Variants in BECN1 observed in about 807,000 individuals in gnomAD.
BECN1 encodes beclin 1.
In BECN1, 15 loss-of-function variants were observed where a neutral mutation model predicts 60.1. The observed-to-expected ratio is 0.25, with a 90% CI of 0.17 to 0.38. The LOEUF (loss-of-function observed/expected upper bound fraction) is 0.38, where lower values mean the gene tolerates loss of function less well. BECN1 is among the 10% of genes least tolerant of loss of function. The pLI, the probability that BECN1 is intolerant of heterozygous loss-of-function variation, is 1.00. For missense variants in BECN1, 424 were observed against 548.2 expected, an observed-to-expected ratio of 0.77 and a Z score of 2.26; for synonymous variants, 179 against 201.8, an observed-to-expected ratio of 0.89 and a Z score of 0.96.
chr17:42,810,981 G>T, intron 11 of BECN1, 53 bp from the exon 12 acceptor site: 1 of 1,486,272 alleles, frequency 6.7e-7, no homozygotes. Context: ...AGTTAAGTAA[G>T]TTCGGGGCAG....
At chr17:42,819,456 C>A in intron 4 of BECN1, 92 bp downstream of exon 4, 1 of 1,404,602 alleles carries the variant, frequency 7.1e-7, no homozygotes, top group Non-Finnish European at 9.8e-7. Flanking sequence ...GATGATGCAT[C>A]TCTATCACCT....
chr17:42,818,189 G>C, intron 7 of BECN1, 32 bp downstream of exon 7: 1 of 1,605,202 alleles, frequency 6.2e-7, no homozygotes, highest in Non-Finnish European at 8.5e-7. Context: ...GGAGCCTCGA[G>C]TGTGAGAAGA....
At chr17:42,823,609 C>T in intron 2 of BECN1, 139 bp downstream of exon 2, 1 of 1,245,132 alleles carries the variant, frequency 8.0e-7, no homozygotes. Flanking sequence ...AAGGAGAAAA[C>T]AGGGAGCCAG....
chr17:42,823,900 C>A (rs1175237932), intron 1 of BECN1, 21 bp from the exon 2 acceptor site: 1 of 1,611,072 alleles, frequency 6.2e-7, no homozygotes, highest in African/African-American at 1.3e-5. Context: ...GGAAAAGAGG[C>A]AACATTAGGG....
At chr17:42,813,094 T>C (rs555820630) in intron 10 of BECN1, among the ~76,000 whole-genome samples, 1 of 150,622 alleles carries the variant, frequency 6.6e-6, no homozygotes, top group South Asian at 2.1e-4. Flanking sequence ...TCCACCCGCC[T>C]TGGCCTCCCA....
At chr17:42,820,984 CTG>C (rs953498956) in intron 2 of BECN1, 143 bp from the exon 3 acceptor site, 2 of 686,516 alleles carry the variant, frequency 2.9e-6, no homozygotes, top group Non-Finnish European at 5.1e-6. Context: ...CCAAAAGAAT[CTG>C]TGGTCTTCCT....
intron 3 of BECN1, 108 bp downstream of exon 3, chr17:42,820,666 C>A: frequency 8.9e-7 from 1 of 1,129,702 alleles, no homozygotes. Context: ...GCTCTAGAAG[C>A]GCCAAGTAGC....
chr17:42,814,584 C>G lies in BECN1; in HGVS notation c.920G>C (p.Trp307Ser). The G allele has an allele frequency of 6.2e-7, 1 of 1,614,204 alleles. No individual in the cohort carries two copies. The highest frequency in any genetic ancestry group is 8.5e-7 in the Non-Finnish European group (1 of 1,180,044). The change falls in exon 9 of 12, where the codon TGG becomes TCG. Residue 307 changes from tryptophan to serine, a missense_variant. Physicochemically the swap from Trp to Ser is radical, Grantham distance 177. Transcript: ENST00000590099. ...ATGGAGCAGCAACACAGTCTGGCCC[C>G]AAGCAGCATTAATCTCATTCCATTC... ...PVEWNEINAA[W>S]GQTVLLLHAL...
intron 4 of BECN1, 127 bp from the exon 5 acceptor site, chr17:42,819,004 G>T: frequency 1.0e-6 from 1 of 1,004,122 alleles, no homozygotes. Flanking sequence ...CCCACTCCTA[G>T]CCCGACTGAC....
chr17:42,818,959 T>C (rs2055205101), intron 4 of BECN1, 82 bp from the exon 5 acceptor site: 2 of 1,495,436 alleles, frequency 1.3e-6, no homozygotes, highest in East Asian at 2.3e-5. Flanking sequence ...TGGCAGAGAC[T>C]CTCAAGCACC....
chr17:42,814,139 A>C, intron 9 of BECN1, 131 bp from the exon 10 acceptor site: 1 of 575,400 alleles, frequency 1.7e-6, no homozygotes, highest in Non-Finnish European at 3.0e-6. Context: ...TCCCTCTCCC[A>C]CCTCCCCATT....
intron 3 of BECN1, chr17:42,820,320 T>G (rs2055236679): frequency 6.4e-6 from 1 of 156,984 alleles, no homozygotes; most frequent in Non-Finnish European, 1.4e-5. Context: ...TAAAATGACA[T>G]GTTCTCTAAC....
Position 42,818,382 on chromosome 17 carries a change from C to T in BECN1, c.522G>A (p.Glu174=). The T allele has an allele frequency of 1.2e-6, 2 of 1,614,196 alleles. No homozygotes were observed. Among genetic ancestry groups the T allele is most frequent in the Non-Finnish European group, 1.7e-6 (2 of 1,180,034 alleles). ...CCATCTGTAACTGTTCACTGTCATC[C>T]TCATTCATTTGCTCTAAGATCTCCA... is the stretch of plus-strand genomic sequence containing the variant. ...RCLEILEQMN[E]DDSEQLQMEL... is the part of the protein sequence containing the mutation. Residue 174 remains glutamate (E), a synonymous_variant, in exon 7 of 12, where the codon GAG becomes GAA. Transcript: ENST00000590099.
At chr17:42,821,031 T>C (rs1338398390) in intron 2 of BECN1, among the ~76,000 whole-genome samples, 190 bp from the exon 3 acceptor site, 2 of 152,180 alleles carry the variant, frequency 1.3e-5, no homozygotes, top group East Asian at 1.9e-4. Flanking sequence ...AAATGTTCAA[T>C]TTTTTAAGGC....
At chr17:42,815,701 C>G in intron 8 of BECN1, 1 of 639,506 alleles carries the variant, frequency 1.6e-6, no homozygotes, top group South Asian at 2.0e-5. Context: ...GGGCTCAGGC[C>G]TTTTCCTTTC....
At chr17:42,819,398 C>A (rs2055213834) in intron 4 of BECN1, 150 bp downstream of exon 4, 2 of 744,502 alleles carry the variant, frequency 2.7e-6, no homozygotes, top group Admixed American at 6.3e-5. Flanking sequence ...AGGTGACGGG[C>A]CAGGTATAAG....
Position 42,810,557 on chromosome 17 carries a change from G to A in BECN1, c.*203C>T. 2 of 449,878 alleles carry A rather than the reference G, an allele frequency of 4.4e-6. No individual in the cohort carries two copies. Among genetic ancestry groups the A allele is most frequent in the East Asian group, 3.8e-5 (1 of 26,524 alleles). The allele number at this position is 449,878 out of a possible 1,614,324, so 27.9% of individuals were successfully genotyped here. On this transcript the variant is annotated 3_prime_UTR_variant, in exon 12 of 12. Coordinates refer to ENST00000590099, the MANE Select transcript of BECN1 (RefSeq NM_001313998.2). ...GGGTTAAGAATCAAAACTGACCAGG[G>A]CTGGCAACTATAGATGGCATGTTGT...
At position 42,818,692 on chromosome 17, in the gene BECN1, G is replaced by A. The variant is rs1037138160; in HGVS notation, c.352-12C>T. 2 of 1,614,096 alleles carry A rather than the reference G, an allele frequency of 1.2e-6. No homozygotes were observed. The highest frequency in any genetic ancestry group is 1.3e-5 in the African/African-American group (1 of 75,022). On this transcript the variant is annotated splice_polypyrimidine_tract_variant and intron_variant, in intron 5 of 11. Coordinates refer to ENST00000590099, the MANE Select transcript of BECN1 (RefSeq NM_001313998.2). ...AGGTCCCCAGTGACCTGGAAGTGTG[G>A]GAGAGTCAGGGTAGGGCCTCCCCCA... is the stretch of plus-strand genomic sequence containing the variant.
intron 7 of BECN1, among the ~76,000 whole-genome samples, 153 bp from the exon 8 acceptor site, chr17:42,816,207 T>C (rs374001350): frequency 2.0e-5 from 3 of 152,224 alleles, no homozygotes; most frequent in East Asian, 3.8e-4. Context: ...GGAACATGTA[T>C]GTCCTAGCTG....
Sources: gnomAD v4.1 joint callset for allele counts (sites outside exome capture counted in the v4.1 genomes callset) on GRCh38, gnomAD v4.1.1 for gene constraint, MANE v1.5 for transcripts, NCBI Gene and HGNC (gene_info 2026-07-23, HGNC 2026-07-21) for gene names.